Variants in SEC14L5 observed in about 807,000 individuals in gnomAD.
SEC14L5 encodes SEC14 like lipid binding 5.
A neutral mutation model predicts 84.6 loss-of-function variants in SEC14L5; 96 were observed. The ratio of observed to expected loss-of-function variants is 1.13; its 90% CI spans 0.96 to 1.34. SEC14L5 has a LOEUF of 1.34. Among genes scored for constraint, SEC14L5 ranks in the 40% most tolerant of loss-of-function variants. The pLI is 0.00. For synonymous variants in SEC14L5, 546 were observed against 383.4 expected, an observed-to-expected ratio of 1.42 and a Z score of -4.95; for missense variants, 1,224 against 942.5, an observed-to-expected ratio of 1.30 and a Z score of -3.91.
chr16:4,978,603 A>G (rs1955378487), intron 2 of SEC14L5, among the ~76,000 whole-genome samples: 1 of 148,884 alleles, frequency 6.7e-6, no homozygotes, highest in African/African-American at 2.5e-5. Context: ...TTTTAAAAAT[A>G]TTTATGTATT....
intron 6 of SEC14L5, among the ~76,000 whole-genome samples, chr16:4,992,245 C>CTCTTT (rs924974206): frequency 2.7e-5 from 4 of 147,332 alleles, no homozygotes; most frequent in Admixed American, 6.6e-5. Context: ...CTTTTCTTTT[C>CTCTTT]TCTTTTCTTT....
intron 2 of SEC14L5, among the ~76,000 whole-genome samples, chr16:4,965,234 T>C (rs962170776): frequency 6.6e-6 from 1 of 152,228 alleles, no homozygotes; most frequent in African/African-American, 2.4e-5. Context: ...TGTGTATGAA[T>C]AGACCACATT....
rs1215316038 is a variant in SEC14L5, at chr16:5,000,659, C to T, written c.975C>T (p.Gly325=). ...TGCTTGGCCCCATCCACAAAGATGG[C>T]CGCCCCCTCTACATCCTCCGCCTGG... The part of the protein sequence containing the change: ...AGGWHYQDID[G]RPLYILRLGQ... Residue 325 remains glycine (G), a synonymous_variant, in exon 9 of 16, where the codon GGC becomes GGT. Transcript: ENST00000251170. The T allele has an allele frequency of 1.3e-6, 2 of 1,551,036 alleles. No homozygotes were observed. Among genetic ancestry groups the T allele is most frequent in the Non-Finnish European group, 1.7e-6 (2 of 1,146,826 alleles).
chr16:5,005,426 G>C (rs1324537690), intron 11 of SEC14L5, among the ~76,000 whole-genome samples: 1 of 152,002 alleles, frequency 6.6e-6, no homozygotes, highest in Non-Finnish European at 1.5e-5. Context: ...ACGGTGGGGT[G>C]GGAATGGGGT....
At chr16:4,988,919 T>G (rs1376652895) in intron 4 of SEC14L5, among the ~76,000 whole-genome samples, 11 of 152,268 alleles carry the variant, frequency 7.2e-5, no homozygotes, top group African/African-American at 2.7e-4. Flanking sequence ...AATCAGTGTG[T>G]GTGCATTTGT....
intron 14 of SEC14L5, among the ~76,000 whole-genome samples, chr16:5,010,481 C>G (rs1955787371): frequency 6.6e-6 from 1 of 152,178 alleles, no homozygotes; most frequent in Non-Finnish European, 1.5e-5. Flanking sequence ...TGGAATGTCA[C>G]TCTCTGACTC....
chr16:4,987,197 GA>G (rs1955497248), intron 2 of SEC14L5, among the ~76,000 whole-genome samples: 1 of 84,652 alleles, frequency 1.2e-5, no homozygotes, highest in Admixed American at 1.9e-4. Context: ...CTAGTTTATT[GA>G]ATCTTTTTTT....
intron 2 of SEC14L5, among the ~76,000 whole-genome samples, chr16:4,970,040 A>G (rs536478105): frequency 6.6e-6 from 1 of 152,198 alleles, no homozygotes; most frequent in African/African-American, 2.4e-5. Flanking sequence ...CTGGTCTTGA[A>G]CTGCTGGGCT....
At chr16:4,987,086 A>G (rs1955495999) in intron 2 of SEC14L5, among the ~76,000 whole-genome samples, 1 of 152,070 alleles carries the variant, frequency 6.6e-6, no homozygotes, top group Admixed American at 6.6e-5. Flanking sequence ...GCACATTGCT[A>G]CCTTGTTCCT....
chr16:5,011,294 G>T (rs549815088), intron 15 of SEC14L5, 21 bp downstream of exon 15: 9 of 1,605,960 alleles, frequency 5.6e-6, no homozygotes, highest in Non-Finnish European at 7.7e-6. Flanking sequence ...TCCGGAGCGG[G>T]GTCCTGGGCA....
In SEC14L5 at chr16:4,997,247, C is replaced by T. The variant is rs928029271; in HGVS notation, c.970+203C>T. ...CCCAGCAGCTGGGATTACAGGCACC[C>T]GCCACCACAGCTGGCTAATTTTTTG... On this transcript the variant is annotated intron_variant, in intron 8 of 15. Transcript: ENST00000251170. 4.6e-5 allele frequency among the ~76,000 whole-genome samples: 7 copies of T among 152,154 alleles called. 1 individual carries two copies. The highest frequency in any genetic ancestry group is 4.6e-4 in the Admixed American group (7 of 15,268).
intron 8 of SEC14L5, among the ~76,000 whole-genome samples, chr16:4,997,741 G>A (rs957570509): frequency 6.6e-6 from 1 of 152,144 alleles, no homozygotes; most frequent in Admixed American, 6.6e-5. Context: ...CACCAGGGCC[G>A]TGCTCCCTCT....
At chr16:4,981,481 G>C (rs533883897) in intron 2 of SEC14L5, among the ~76,000 whole-genome samples, 1 of 152,198 alleles carries the variant, frequency 6.6e-6, no homozygotes, top group Non-Finnish European at 1.5e-5. Flanking sequence ...GGGAGACTGA[G>C]CAGTAGAAGG....
At position 5,006,030 on chromosome 16, in the gene SEC14L5, C is replaced by T. The variant is rs750265372; in HGVS notation, c.1419C>T (p.Phe473=). The change falls in exon 12 of 16, where the codon TTC becomes TTT. Residue 473 remains phenylalanine (F), a synonymous_variant. Coordinates refer to ENST00000251170, the MANE Select transcript of SEC14L5 (RefSeq NM_014692.2). ...DYLDREVIPD[F]LGGESVCNVP... ...TGGATAGAGAAGTGATCCCTGACTT[C>T]CTTGGGGGAGAGAGTGTGGTGAGGC... 19 of 1,613,828 alleles carry T rather than the reference C, an allele frequency of 1.2e-5. No homozygotes were observed. Among genetic ancestry groups the T allele is most frequent in the African/African-American group, 5.3e-5 (4 of 75,012 alleles).
intron 6 of SEC14L5, among the ~76,000 whole-genome samples, chr16:4,993,737 A>C (rs1258950047): frequency 6.6e-6 from 1 of 152,192 alleles, no homozygotes; most frequent in African/African-American, 2.4e-5. Context: ...ATGCAAGTAA[A>C]ATTTTGGTAG....
chr16:4,976,803 T>G (rs1347992728), intron 2 of SEC14L5, among the ~76,000 whole-genome samples: 1 of 152,176 alleles, frequency 6.6e-6, no homozygotes, highest in African/African-American at 2.4e-5. Flanking sequence ...AACTGAATCC[T>G]TCTGTGGCCT....
chr16:5,005,941 A>G lies in SEC14L5; in HGVS notation c.1330A>G (p.Arg444Gly). Residue 444 changes from arginine to glycine, a missense_variant, in exon 12 of 16, where the codon AGG (arginine) becomes GGG (glycine). By Grantham distance (125) the Arg-to-Gly change is moderately radical (BLOSUM62 -2). Transcript: ENST00000251170. Reference protein sequence around the residue: ...LISPFINENTRRKFLIYSGSN... With the variant: ...LISPFINENTGRKFLIYSGSN... Reference sequence around the variant, plus strand: ...CAGCCCCTTCATCAATGAGAACACCAGGCGGAAGTTCCTCATCTACAGTGG... The same window carrying G: ...CAGCCCCTTCATCAATGAGAACACCGGGCGGAAGTTCCTCATCTACAGTGG... 1 of 1,606,948 alleles carries G rather than the reference A, an allele frequency of 6.2e-7. No homozygotes were observed. Among genetic ancestry groups the G allele is most frequent in the Non-Finnish European group, 8.5e-7 (1 of 1,176,736 alleles).
rs745409243 is a variant in SEC14L5, at chr16:5,000,847, C to A, written c.1060-8C>A. 2.5e-5 allele frequency: 40 copies of A among 1,600,164 alleles called. No homozygotes were observed. Among genetic ancestry groups the A allele is most frequent in the Non-Finnish European group, 1.7e-6 (2 of 1,173,584 alleles). On this transcript the variant is annotated splice_region_variant and splice_polypyrimidine_tract_variant and intron_variant, in intron 9 of 15. Coordinates refer to ENST00000251170, the MANE Select transcript of SEC14L5 (RefSeq NM_014692.2). ...CGGACGTTGAGCAGCACTGTCTCTCCCTTCCAGGTTCTCTCCGTCAACGAG... is the reference window on the plus strand; with the variant it reads ...CGGACGTTGAGCAGCACTGTCTCTCACTTCCAGGTTCTCTCCGTCAACGAG...
At chr16:4,979,679 T>A (rs534531900) in intron 2 of SEC14L5, among the ~76,000 whole-genome samples, 1 of 152,114 alleles carries the variant, frequency 6.6e-6, no homozygotes, top group African/African-American at 2.4e-5. Flanking sequence ...AGATGAGGCA[T>A]TGATTGTCCC....
Sources: gnomAD v4.1 joint callset for allele counts (sites outside exome capture counted in the v4.1 genomes callset) on GRCh38, gnomAD v4.1.1 for gene constraint, MANE v1.5 for transcripts, NCBI Gene and HGNC (gene_info 2026-07-23, HGNC 2026-07-21) for gene names.